The following ITPRID2 variants were observed in gnomAD, a reference collection of about 807,000 sequenced individuals.
The protein encoded by ITPRID2 is ITPR interacting domain containing 2, also known as protein ITPRID2.
ITPRID2 carries 60 observed loss-of-function variants against 124.3 expected under a neutral mutation model. The observed-to-expected ratio is 0.48, with a 90% CI of 0.39 to 0.60. The LOEUF (loss-of-function observed/expected upper bound fraction) is 0.60. ITPRID2 is among the 20% of genes least tolerant of loss of function. ITPRID2 has a pLI of 0.00. For missense variants in ITPRID2, 1,553 were observed against 1,512.2 expected (o/e 1.03, Z -0.45); for synonymous variants, 521 against 542.9 (o/e 0.96, Z 0.56).
In ITPRID2 at chr2:181,892,444, C is replaced by T. The variant is rs1574182414; in HGVS notation, c.211+167C>T. ...CGCGCGCTGAACGAGGCGCCCCCAGCGTCAACACAGACAACTGGGTGCCAT... is the reference window on the plus strand; with the variant it reads ...CGCGCGCTGAACGAGGCGCCCCCAGTGTCAACACAGACAACTGGGTGCCAT... On this transcript the variant is annotated intron_variant, in intron 1 of 17. Transcript: ENST00000431877. This position sits in a 1 kb window ranked among gnomAD's most constrained non-coding sequence, Gnocchi z 5.2. The T allele has an allele frequency of 1.8e-6, 2 of 1,114,528 alleles. No homozygotes were observed. Among genetic ancestry groups the T allele is most frequent in the Middle Eastern group, 2.0e-4 (1 of 4,910 alleles). 69.0% of individuals were successfully genotyped at this position (1,114,528 alleles called of 1,614,324 possible). A position where few individuals can be genotyped will look rare whatever the true frequency, so the allele number is the denominator to read the frequency against.
chr2:181,918,514 C>T, intron 11 of ITPRID2, 84 bp from the exon 12 acceptor site: 1 of 1,565,262 alleles, frequency 6.4e-7, no homozygotes, highest in Non-Finnish European at 8.6e-7. Context: ...TATATAGGCC[C>T]CAAATTCTGC....
rs1463191923 is a variant in ITPRID2, at chr2:181,907,110, GTTAT to G, written c.1414-2786_1414-2783del. 6.6e-6 allele frequency among the ~76,000 whole-genome samples: 1 copy of G among 152,162 alleles called. No homozygotes were observed. Among genetic ancestry groups the G allele is most frequent in the African/African-American group, 2.4e-5 (1 of 41,440 alleles). ...TCTCTTTTTAAACTTTAGAGGAAGG[GTTAT>G]TTGAGTTAGAACATCCATGTATTGC... On this transcript the variant is annotated intron_variant, in intron 8 of 17. Coordinates refer to ENST00000431877, the MANE Select transcript of ITPRID2 (RefSeq NM_001130445.3). This position sits in a 1 kb window ranked among gnomAD's most constrained non-coding sequence, Gnocchi z 5.1.
At chr2:181,913,268 C>T (rs913749275) in intron 9 of ITPRID2, among the ~76,000 whole-genome samples, 13 of 152,032 alleles carry the variant, frequency 8.6e-5, no homozygotes, top group African/African-American at 1.2e-4. Context: ...GGGCTTTTAC[C>T]GTGTTAGCCA....
chr2:181,901,636 A>G lies in ITPRID2; in HGVS notation c.713-130A>G, dbSNP rs547050126. The G allele has an allele frequency of 3.5e-4, 238 of 683,020 alleles. No individual in the cohort carries two copies. The African/African-American group carries it at 4.4e-3, about 12-fold the overall frequency. The allele number at this position is 683,020 out of a possible 1,614,324, so 42.3% of individuals were successfully genotyped here. ...AGAAGGTTTAAGTGTTAGATGAGGAAAAAATAGGGTTTTATAATCTTTGTG... is the reference window on the plus strand; with the variant it reads ...AGAAGGTTTAAGTGTTAGATGAGGAGAAAATAGGGTTTTATAATCTTTGTG... On this transcript the variant is annotated intron_variant, in intron 7 of 17. Coordinates refer to ENST00000431877, the MANE Select transcript of ITPRID2 (RefSeq NM_001130445.3).
intron 2 of ITPRID2, chr2:181,893,610 G>C (rs935732275): frequency 6.6e-6 from 1 of 152,084 alleles, no homozygotes; most frequent in Non-Finnish European, 1.5e-5. Context: ...CTTTATTACA[G>C]AACTCGTACC....
At chr2:181,915,107 A>T (rs1055182643) in intron 10 of ITPRID2, 109 bp from the exon 11 acceptor site, 9 of 1,300,934 alleles carry the variant, frequency 6.9e-6, no homozygotes, top group Non-Finnish European at 9.6e-6. Context: ...GCAGGGCCAC[A>T]ACTGCAGTGG....
chr2:181,915,842 A>G lies in ITPRID2; in HGVS notation c.2202A>G (p.Leu734=), dbSNP rs1222851487. Residue 734 remains leucine (L), a synonymous_variant, in exon 11 of 18, where the codon CTA becomes CTG. Transcript: ENST00000431877. ...RYLFAKAGYP[L]RRSQSLPTTL... ...TATTTGCAAAAGCTGGCTATCCTCT[A>G]AGAAGGTCTCAGTCTTTACCAACCA... 2.5e-6 allele frequency: 4 copies of G among 1,614,244 alleles called. No homozygotes were observed. The East Asian group carries it at 8.9e-5, about 36-fold the overall frequency.
rs756400657 is a variant in ITPRID2, at chr2:181,913,845, A to T, written c.1487A>T (p.Asp496Val). The T allele has an allele frequency of 6.2e-7, 1 of 1,608,406 alleles. No homozygotes were observed. The highest frequency in any genetic ancestry group is 8.5e-7 in the Non-Finnish European group (1 of 1,177,918). Residue 496 changes from aspartate (D) to valine (V), a missense_variant and splice_region_variant, in exon 10 of 18, where the codon GAT (aspartate) becomes GTT (valine). Physicochemically the swap from Asp to Val is radical, Grantham distance 152. Coordinates refer to ENST00000431877, the MANE Select transcript of ITPRID2 (RefSeq NM_001130445.3). ...YQLGLTKSKR[D>V]HLLRTASQHS... The stretch of plus-strand genomic sequence containing the variant: ...TATAGCCACATTTTTTTATTCATAG[A>T]TCATCTGTTACGTACTGCAAGTCAG...
chr2:181,922,631 C>T (rs928551346), intron 16 of ITPRID2, among the ~76,000 whole-genome samples: 2 of 152,182 alleles, frequency 1.3e-5, no homozygotes, highest in African/African-American at 4.8e-5. Flanking sequence ...GAAATAATTA[C>T]AATTCTCTGT....
chr2:181,912,946 T>C (rs1693722144), intron 9 of ITPRID2, among the ~76,000 whole-genome samples: 1 of 152,248 alleles, frequency 6.6e-6, no homozygotes, highest in Admixed American at 6.5e-5. Flanking sequence ...ATGTAATTTT[T>C]ATGAAAGAAT....
chr2:181,925,178 T>C (rs911210760), intron 16 of ITPRID2, among the ~76,000 whole-genome samples: 2 of 152,216 alleles, frequency 1.3e-5, no homozygotes, highest in Non-Finnish European at 2.9e-5. Context: ...CTTATGGAAA[T>C]TTCTTTTAGT....
At position 181,916,053 on chromosome 2, in the gene ITPRID2, T is replaced by C; in HGVS notation, c.2413T>C (p.Ser805Pro). The change falls in exon 11 of 18, where the codon TCA becomes CCA. Residue 805 changes from serine to proline, a missense_variant. Coordinates refer to ENST00000431877, the MANE Select transcript of ITPRID2 (RefSeq NM_001130445.3). ...LVKSTIFISP[S>P]SVKKEEAPQS... is the part of the protein sequence containing the mutation. The stretch of plus-strand genomic sequence containing the variant: ...TAAATCGACCATTTTCATCTCTCCA[T>C]CATCTGTGAAGAAAGAAGAAGCCCC... 6.2e-7 allele frequency: 1 copy of C among 1,614,164 alleles called. No homozygotes were observed.
intron 11 of ITPRID2, chr2:181,916,665 G>A (rs1376337445): frequency 1.4e-6 from 1 of 710,676 alleles, no homozygotes; most frequent in African/African-American, 1.8e-5. Context: ...TCCTTTCCAA[G>A]AGGAGAGATT....
intron 16 of ITPRID2, among the ~76,000 whole-genome samples, chr2:181,926,435 T>C (rs545222603): frequency 6.7e-6 from 1 of 149,804 alleles, no homozygotes; most frequent in African/African-American, 2.5e-5. Flanking sequence ...TTTTGGCGAC[T>C]GGGCGCGGTG....
At position 181,908,471 on chromosome 2, in the gene ITPRID2, G is replaced by A. The variant is rs142100251; in HGVS notation, c.1414-1428G>A. Among the ~76,000 whole-genome samples, 976 of 152,246 alleles carry A rather than the reference G, an allele frequency of 6.4e-3. 8 individuals carry two copies. The highest frequency in any genetic ancestry group is 0.022 in the African/African-American group (927 of 41,544). ...ATTTTATTGAATATAAAAAGAAAAC[G>A]CACATTGTTCCCTTGCATACAAGAC... On this transcript the variant is annotated intron_variant, in intron 8 of 17. Transcript: ENST00000431877.
At chr2:181,920,413 G>T (rs1484214774) in intron 14 of ITPRID2, among the ~76,000 whole-genome samples, 184 bp from the exon 15 acceptor site, 1 of 152,108 alleles carries the variant, frequency 6.6e-6, no homozygotes, top group Non-Finnish European at 1.5e-5. Flanking sequence ...CATTTTATGG[G>T]ATCTGTGACA....
chr2:181,918,543 A>G (rs1316550664), intron 11 of ITPRID2, 55 bp from the exon 12 acceptor site: 1 of 1,605,576 alleles, frequency 6.2e-7, no homozygotes, highest in Non-Finnish European at 8.5e-7. Flanking sequence ...CCCTTAAGTG[A>G]TTTGGAAGTA....
rs759313450 is a variant in ITPRID2, at chr2:181,892,603, C to G, written c.212-12C>G. 3.7e-6 allele frequency: 6 copies of G among 1,614,182 alleles called. No homozygotes were observed. Among genetic ancestry groups the G allele is most frequent in the South Asian group, 1.1e-5 (1 of 91,082 alleles). On this transcript the variant is annotated splice_polypyrimidine_tract_variant and intron_variant, in intron 1 of 17. Coordinates refer to ENST00000431877, the MANE Select transcript of ITPRID2 (RefSeq NM_001130445.3). The surrounding 1 kb of genome is among the most constrained non-coding windows in gnomAD (Gnocchi z 5.2). ...TGGGTGGTAACGTGCTGTCCCCTCT[C>G]TCTACCCCCAGGAAACGTGCCCAAC...
Position 181,916,412 on chromosome 2 carries a change from G to T in ITPRID2, c.2772G>T (p.Leu924=), listed in dbSNP as rs748708247. ...RRVLHDIRNS[L]QNLSQYPMMR... ...TATTACATGATATTAGAAACTCACT[G>T]CAGAATCTTTCACAGGTATGAGAAA... The change falls in exon 11 of 18, where the codon CTG becomes CTT. Residue 924 remains leucine (L), a synonymous_variant. Transcript: ENST00000431877. 6.8e-6 allele frequency: 11 copies of T among 1,612,920 alleles called. No homozygotes were observed. Among genetic ancestry groups the T allele is most frequent in the Non-Finnish European group, 8.5e-6 (10 of 1,179,130 alleles).
Sources: allele counts gnomAD v4.1 joint callset (sites outside exome capture counted in the v4.1 genomes callset), GRCh38; gene constraint gnomAD v4.1.1; non-coding constraint Gnocchi (gnomAD v3.1); transcripts MANE v1.5; gene names NCBI Gene and HGNC (gene_info 2026-07-23, HGNC 2026-07-21).